The following TEX14 variants were observed in gnomAD, a reference collection of about 807,000 sequenced individuals.
The protein encoded by TEX14 is testis expressed 14, intercellular bridge forming factor.
A neutral mutation model predicts 178.6 loss-of-function variants in TEX14; 168 were observed. The observed-to-expected ratio is 0.94, with a 90% confidence interval of 0.83 to 1.07. TEX14 has a LOEUF of 1.07. Ranked by LOEUF, TEX14 falls within the 50% of genes least tolerant of loss-of-function variation. The pLI is 0.00. For missense variants in TEX14, 1,730 were observed against 1,753.6 expected, an observed-to-expected ratio of 0.99 and a Z score of 0.24; for synonymous variants, 626 against 634.1, an observed-to-expected ratio of 0.99 and a Z score of 0.19.
intron 2 of TEX14, among the ~76,000 whole-genome samples, chr17:58,634,446 CAG>C (rs1177648401): frequency 6.6e-6 from 1 of 152,040 alleles, no homozygotes; most frequent in African/African-American, 2.4e-5. Context: ...GAAAAAGAAA[CAG>C]TGTTCATGGT....
chr17:58,587,843 ACCC>A, intron 16 of TEX14, 50 bp downstream of exon 16: 3 of 1,118,856 alleles, frequency 2.7e-6, no homozygotes, highest in Non-Finnish European at 4.1e-6. Flanking sequence ...GGGTGCCAGA[ACCC>A]ACCCCCACCC....
At chr17:58,638,012 C>A (rs1448099151) in intron 2 of TEX14, among the ~76,000 whole-genome samples, 2 of 151,970 alleles carry the variant, frequency 1.3e-5, no homozygotes, top group East Asian at 1.9e-4. Flanking sequence ...CAGGTGCCTA[C>A]CACCACACCC....
At chr17:58,564,804 A>G in intron 28 of TEX14, 65 bp downstream of exon 28, 1 of 1,013,964 alleles carries the variant, frequency 9.9e-7, no homozygotes, top group Non-Finnish European at 1.4e-6. Context: ...TCAATATTAG[A>G]AAAAAACCTA....
At chr17:58,689,955 T>G (rs2047664696) in intron 1 of TEX14, among the ~76,000 whole-genome samples, 1 of 151,158 alleles carries the variant, frequency 6.6e-6, no homozygotes, top group Admixed American at 6.6e-5. Context: ...GTTCATGCAA[T>G]TCTCCTGCCT....
intron 1 of TEX14, among the ~76,000 whole-genome samples, chr17:58,685,044 A>T (rs1465987155): frequency 6.6e-6 from 1 of 152,236 alleles, no homozygotes; most frequent in African/African-American, 2.4e-5. Context: ...ATTCAAATGT[A>T]GATCTAAACC....
At chr17:58,564,736 G>A in intron 28 of TEX14, 133 bp downstream of exon 28, 2 of 481,302 alleles carry the variant, frequency 4.2e-6, no homozygotes, top group Non-Finnish European at 7.2e-6. Flanking sequence ...AACCCTTTAG[G>A]AATAGGGGCT....
chr17:58,667,150 G>A (rs1348067008), intron 1 of TEX14, among the ~76,000 whole-genome samples: 1 of 152,152 alleles, frequency 6.6e-6, no homozygotes, highest in African/African-American at 2.4e-5. Flanking sequence ...TTTTAGTCAC[G>A]GGATACCCAC....
intron 1 of TEX14, among the ~76,000 whole-genome samples, chr17:58,671,869 C>T (rs982105111): frequency 3.9e-5 from 6 of 152,152 alleles, no homozygotes; most frequent in Non-Finnish European, 8.8e-5. Context: ...AGACTTTCCA[C>T]GCCATTTCAC....
rs1567740738 is a variant in TEX14, at chr17:58,621,699, G to A, written c.505C>T (p.Pro169Ser). Residue 169 changes from proline (P) to serine (S), a missense_variant, in exon 5 of 32, where the codon CCG becomes TCG. Transcript: ENST00000349033. ...GACGGGCTGTAGACAAGCCGCTGCG[G>A]GGAGTCTATCTTCTTCAGGAGGTCG... ...SYDLLKKIDS[P>S]QRLVYSPSWC... 2 of 1,614,206 alleles carry A rather than the reference G, an allele frequency of 1.2e-6. No homozygotes were observed. The highest frequency in any genetic ancestry group is 1.7e-6 in the Non-Finnish European group (2 of 1,180,028).
chr17:58,683,393 AAT>A (rs1395550536), intron 1 of TEX14, among the ~76,000 whole-genome samples: 1 of 151,420 alleles, frequency 6.6e-6, no homozygotes, highest in East Asian at 2.0e-4. Flanking sequence ...AAAAAAAGGA[AAT>A]ATATGTTTGT....
At chr17:58,585,031 G>C (rs1357600177) in intron 18 of TEX14, among the ~76,000 whole-genome samples, 1 of 152,002 alleles carries the variant, frequency 6.6e-6, no homozygotes, top group East Asian at 1.9e-4. Flanking sequence ...TAAATGTCAT[G>C]TGTCTCTAGG....
chr17:58,606,974 G>A (rs909323334), intron 10 of TEX14, among the ~76,000 whole-genome samples: 5 of 139,414 alleles, frequency 3.6e-5, no homozygotes, highest in East Asian at 4.2e-4. Flanking sequence ...GCTGTGAGCC[G>A]AGATCGCACC....
intron 3 of TEX14, among the ~76,000 whole-genome samples, chr17:58,629,744 A>G (rs894072709): frequency 6.6e-6 from 1 of 151,168 alleles, no homozygotes; most frequent in African/African-American, 2.4e-5. Context: ...CTGAGGCAGG[A>G]GAATGGCGTG....
chr17:58,592,902 G>A (rs1478473314), intron 15 of TEX14, among the ~76,000 whole-genome samples: 1 of 152,008 alleles, frequency 6.6e-6, no homozygotes, highest in Admixed American at 6.6e-5. Context: ...ATGTATGTAT[G>A]TATACACATG....
rs1008888925 is a variant in TEX14 at position 58,666,543 on chromosome 17, C to T, written c.-1-14541G>A. 5 of 146,530 alleles carry T rather than the reference C, an allele frequency of 3.4e-5. No individual in the cohort carries two copies. In the South Asian group the frequency reaches 8.7e-4, roughly 26 times the overall value. The allele number at this position is 146,530 out of a possible 1,614,324, so 9.1% of individuals were successfully genotyped here. The stretch of plus-strand genomic sequence containing the variant: ...GCATTTCAACTACCACAACCAGCAG[C>T]AAGTGCGAACGCAATCTCCCGCTAC... On this transcript the variant is annotated intron_variant, in intron 1 of 31. Transcript: ENST00000349033.
chr17:58,635,736 G>A (rs890842680), intron 2 of TEX14, among the ~76,000 whole-genome samples: 40 of 150,930 alleles, frequency 2.7e-4, no homozygotes, highest in African/African-American at 9.5e-4. Flanking sequence ...AGCCCACCAA[G>A]GGCTTCTCTT....
At chr17:58,665,007 G>T (rs1429239365) in intron 1 of TEX14, among the ~76,000 whole-genome samples, 1 of 152,080 alleles carries the variant, frequency 6.6e-6, no homozygotes, top group Non-Finnish European at 1.5e-5. Flanking sequence ...GAGCAGGCAT[G>T]TAAGTTTGTG....
chr17:58,668,096 T>C (rs2047243432), intron 1 of TEX14, among the ~76,000 whole-genome samples: 1 of 152,094 alleles, frequency 6.6e-6, no homozygotes, highest in Non-Finnish European at 1.5e-5. Context: ...AGGTGATATC[T>C]GATCACCCCA....
At chr17:58,632,553 A>G (rs2046346194) in intron 2 of TEX14, among the ~76,000 whole-genome samples, 1 of 152,182 alleles carries the variant, frequency 6.6e-6, no homozygotes, top group African/African-American at 2.4e-5. Flanking sequence ...GTAGCTTCCC[A>G]TTTGTTAAGG....
Sources: allele counts gnomAD v4.1 joint callset (sites outside exome capture counted in the v4.1 genomes callset), GRCh38; gene constraint gnomAD v4.1.1; transcripts MANE v1.5; gene names NCBI Gene and HGNC (gene_info 2026-07-23, HGNC 2026-07-21).